Variants in PARD3B observed in about 807,000 individuals in gnomAD.
The protein encoded by PARD3B is partitioning defective 3 homolog B.
PARD3B carries 103 observed loss-of-function variants against 130.2 expected under a neutral mutation model. The observed-to-expected ratio is 0.79, with a 90% CI of 0.67 to 0.93. The LOEUF is 0.93. Ranked by LOEUF, PARD3B falls within the 40% of genes least tolerant of loss-of-function variation. The probability of loss-of-function intolerance (pLI) is 0.00; values close to 1 mark genes in which losing one functional copy is unlikely to be tolerated. For synonymous variants in PARD3B, 583 were observed against 553.2 expected (o/e 1.05, Z -0.76); for missense variants, 1,609 against 1,499.2 (o/e 1.07, Z -1.21).
At chr2:205,422,643 CT>C (rs1264516533) in intron 19 of PARD3B, among the ~76,000 whole-genome samples, 2 of 152,144 alleles carry the variant, frequency 1.3e-5, no homozygotes, top group Non-Finnish European at 2.9e-5. Flanking sequence ...CAATTCTTCC[CT>C]TTTTTCCAAC....
intron 15 of PARD3B, among the ~76,000 whole-genome samples, chr2:205,204,590 T>C (rs11884726): frequency 1.3e-5 from 2 of 151,928 alleles, no homozygotes; most frequent in Admixed American, 1.3e-4. Context: ...TAGGCATTAT[T>C]TTTAAGTCTT....
chr2:205,195,007 C>T (rs547852160), intron 15 of PARD3B, among the ~76,000 whole-genome samples: 12 of 145,134 alleles, frequency 8.3e-5, no homozygotes, highest in African/African-American at 2.1e-4. Context: ...CCATGTTGGC[C>T]GGGGTGTTCT....
rs548700582 is a variant in PARD3B, at chr2:205,169,894, C to T, written c.1621-2317C>T. ...TCCAGTTATATCTCACATCACATAACGAAACCATTCAGGGTGTTTTTGTTG... is the reference window on the plus strand; with the variant it reads ...TCCAGTTATATCTCACATCACATAATGAAACCATTCAGGGTGTTTTTGTTG... On this transcript the variant is annotated intron_variant, in intron 11 of 22. Coordinates refer to ENST00000406610, the MANE Select transcript of PARD3B (RefSeq NM_001302769.2). Among the ~76,000 whole-genome samples the T allele has an allele frequency of 3.6e-4, 55 of 151,370 alleles. 2 individuals carry two copies. In the South Asian group the frequency reaches 0.01, roughly 28 times the overall value.
chr2:204,956,141 A>G (rs984182023), intron 2 of PARD3B, among the ~76,000 whole-genome samples: 3 of 152,230 alleles, frequency 2.0e-5, no homozygotes, highest in Non-Finnish European at 4.4e-5. Context: ...CTTTGCAGAA[A>G]TAAACCAACC....
rs555529295 is a variant in PARD3B, at chr2:205,172,289, A to T, written c.1699A>T (p.Met567Leu). ...TTTGGGAAAGTCCAACCACGAAGCT[A>T]TGGAAACACTTAGGCGGTCAATGTC... Reference protein sequence around the residue: ...SLLGKSNHEAMETLRRSMSME... With the variant: ...SLLGKSNHEALETLRRSMSME... Residue 567 changes from methionine (M) to leucine (L), a missense_variant, in exon 12 of 23, where the codon ATG becomes TTG. By Grantham distance (15) the Met-to-Leu change is conservative. Transcript: ENST00000406610. 2.5e-6 allele frequency: 4 copies of T among 1,614,144 alleles called. No homozygotes were observed. The East Asian group carries it at 6.7e-5, about 27-fold the overall frequency.
intron 2 of PARD3B, among the ~76,000 whole-genome samples, chr2:204,748,995 C>T (rs2040356074): frequency 6.6e-6 from 1 of 151,758 alleles, no homozygotes. Flanking sequence ...TTGAGCCAAC[C>T]CCCTTTTCGT....
At chr2:204,977,728 C>A (rs572165619) in intron 3 of PARD3B, among the ~76,000 whole-genome samples, 1 of 141,716 alleles carries the variant, frequency 7.1e-6, no homozygotes, top group East Asian at 2.2e-4. Flanking sequence ...AGGAGAATGG[C>A]GTGAGCCCGG....
Position 205,564,504 on chromosome 2 carries a change from T to C in PARD3B, c.3260+11101T>C, listed in dbSNP as rs980045676. Among the ~76,000 whole-genome samples the C allele has an allele frequency of 3.3e-5, 5 of 152,216 alleles. No individual in the cohort carries two copies. The highest frequency in any genetic ancestry group is 6.5e-5 in the Admixed American group (1 of 15,278). On this transcript the variant is annotated intron_variant, in intron 22 of 22. Transcript: ENST00000406610. The surrounding 1 kb of genome is among the most constrained non-coding windows in gnomAD (Gnocchi z 4.6). ...TTAAATATATATACATATAAACCAG[T>C]TGGTTCCACTTCAGCAATTTTTGTA...
At chr2:205,471,353 CTTTTTT>C (rs769669913) in intron 20 of PARD3B, among the ~76,000 whole-genome samples, 3 of 85,436 alleles carry the variant, frequency 3.5e-5, no homozygotes, top group African/African-American at 9.4e-5. Context: ...ACTCACTTTT[CTTTTTT>C]TTTTTTTTTT....
Position 205,121,913 on chromosome 2 carries a change from A to G in PARD3B, c.1129A>G (p.Lys377Glu). The G allele has an allele frequency of 6.2e-7, 1 of 1,612,470 alleles. No homozygotes were observed. The highest frequency in any genetic ancestry group is 8.5e-7 in the Non-Finnish European group (1 of 1,179,386). Reference sequence around the variant, plus strand: ...GCCTCTCATGGGATTTGGCAGCAATAAAAATGCAAAGAAAATTAAGATTGA... The same window carrying G: ...GCCTCTCATGGGATTTGGCAGCAATGAAAATGCAAAGAAAATTAAGATTGA... ...LSPLMGFGSNKNAKKIKIDLK... is the reference protein window; with the variant it reads ...LSPLMGFGSNENAKKIKIDLK... Residue 377 changes from lysine (K) to glutamate (E), a missense_variant, in exon 8 of 23, where the codon AAA (lysine) becomes GAA (glutamate). By Grantham distance (56) the Lys-to-Glu change is moderately conservative. Transcript: ENST00000406610. The surrounding 1 kb of genome is among the most constrained non-coding windows in gnomAD (Gnocchi z 5.0).
intron 2 of PARD3B, among the ~76,000 whole-genome samples, chr2:204,740,141 G>A (rs979439008): frequency 1.3e-5 from 2 of 151,520 alleles, no homozygotes; most frequent in South Asian, 4.2e-4. Context: ...AACATCCCAG[G>A]TAACTGGGAT....
intron 21 of PARD3B, among the ~76,000 whole-genome samples, chr2:205,505,390 A>AAAAT (rs145682692): frequency 5.3e-5 from 8 of 150,502 alleles, no homozygotes; most frequent in Non-Finnish European, 7.4e-5. Context: ...TAAATAATAA[A>AAAAT]AAAATAAAAT....
intron 21 of PARD3B, among the ~76,000 whole-genome samples, chr2:205,516,372 TG>T (rs1163764500): frequency 6.6e-6 from 1 of 152,240 alleles, no homozygotes; most frequent in Non-Finnish European, 1.5e-5. Flanking sequence ...TTAATGATAC[TG>T]ATTCTTCCTA....
At chr2:205,004,438 T>C (rs528532523) in intron 3 of PARD3B, among the ~76,000 whole-genome samples, 1 of 152,238 alleles carries the variant, frequency 6.6e-6, no homozygotes, top group Non-Finnish European at 1.5e-5. Flanking sequence ...TTTTATCATT[T>C]CAATTCAGGC....
At position 205,575,797 on chromosome 2, in the gene PARD3B, C is replaced by T. The variant is rs2106558159; in HGVS notation, c.3260+22394C>T. On this transcript the variant is annotated intron_variant, in intron 22 of 22. Coordinates refer to ENST00000406610, the MANE Select transcript of PARD3B (RefSeq NM_001302769.2). This position sits in a 1 kb window ranked among gnomAD's most constrained non-coding sequence, Gnocchi z 4.6. ...TACTAAAGGACATCTTGGTTGCCTC[C>T]AGGTTTTGACCATTATGAATAAAGA... Among the ~76,000 whole-genome samples, 1 of 152,248 alleles carries T rather than the reference C, an allele frequency of 6.6e-6. No homozygotes were observed. Among genetic ancestry groups the T allele is most frequent in the East Asian group, 1.9e-4 (1 of 5,186 alleles).
intron 20 of PARD3B, among the ~76,000 whole-genome samples, chr2:205,465,058 G>C (rs138191163): frequency 1.1e-3 from 162 of 152,274 alleles, no homozygotes; most frequent in Middle Eastern, 3.4e-3. Flanking sequence ...TCTAAAGAAA[G>C]GAAGAGTTGT....
chr2:205,390,011 G>C (rs2045795678), intron 18 of PARD3B, among the ~76,000 whole-genome samples: 3 of 152,094 alleles, frequency 2.0e-5, no homozygotes, highest in Admixed American at 6.6e-5. Context: ...AATCAAAGTT[G>C]AGAGCTTTCA....
At chr2:204,854,926 A>T (rs2044861213) in intron 2 of PARD3B, among the ~76,000 whole-genome samples, 1 of 152,174 alleles carries the variant, frequency 6.6e-6, no homozygotes, top group Non-Finnish European at 1.5e-5. Flanking sequence ...CTCTTTCTGT[A>T]GAGAAAGGGG....
At chr2:204,613,041 G>A (rs926353678) in intron 1 of PARD3B, among the ~76,000 whole-genome samples, 4 of 151,812 alleles carry the variant, frequency 2.6e-5, no homozygotes, top group African/African-American at 7.3e-5. Flanking sequence ...CAGGATACTT[G>A]TACATGTATT....
Sources: allele counts gnomAD v4.1 joint callset (sites outside exome capture counted in the v4.1 genomes callset), GRCh38; gene constraint gnomAD v4.1.1; non-coding constraint Gnocchi (gnomAD v3.1); transcripts MANE v1.5; gene names NCBI Gene and HGNC (gene_info 2026-07-23, HGNC 2026-07-21).